The following HIKESHI variants were observed in gnomAD, a reference collection of about 807,000 sequenced individuals.
The protein encoded by HIKESHI is heat shock protein nuclear import factor hikeshi, also known as protein Hikeshi.
A neutral mutation model predicts 25.7 loss-of-function variants in HIKESHI; 13 were observed. That is an observed-to-expected ratio of 0.51 (90% confidence interval 0.33 to 0.80). The LOEUF (loss-of-function observed/expected upper bound fraction) is 0.80, where lower values mean the gene tolerates loss of function less well. Among genes scored for constraint, HIKESHI ranks in the 30% least tolerant of loss-of-function variants. HIKESHI has a pLI of 0.02. For synonymous variants in HIKESHI, 76 were observed against 78.7 expected (o/e 0.97, Z 0.18); for missense variants, 174 against 229.5 (o/e 0.76, Z 1.56).
intron 1 of HIKESHI, among the ~76,000 whole-genome samples, chr11:86,305,411 C>T (rs372532957): frequency 3.9e-5 from 6 of 151,968 alleles, no homozygotes; most frequent in African/African-American, 9.7e-5. Flanking sequence ...TTTTTTGAGA[C>T]GGAGTTTAGC....
intron 3 of HIKESHI, among the ~76,000 whole-genome samples, chr11:86,341,041 C>T (rs557632562): frequency 2.0e-5 from 3 of 152,292 alleles, no homozygotes; most frequent in Admixed American, 1.3e-4. Context: ...ACTTCCCTCC[C>T]CTTTTTAATC....
chr11:86,335,270 A>G (rs1221156022), intron 2 of HIKESHI, among the ~76,000 whole-genome samples: 1 of 152,222 alleles, frequency 6.6e-6, no homozygotes, highest in Non-Finnish European at 1.5e-5. Context: ...ATGGAAAAGT[A>G]TCTACCTTGG....
At chr11:86,342,377 A>G (rs10792847) in intron 3 of HIKESHI, among the ~76,000 whole-genome samples, 94,221 of 151,980 alleles carry the variant, frequency 0.62, 29,392 homozygotes, top group East Asian at 0.79. Context: ...ATATTTGTAT[A>G]TAGATAAATG....
At chr11:86,318,303 C>CAAA (rs71040230) in intron 2 of HIKESHI, among the ~76,000 whole-genome samples, 2,273 of 35,628 alleles carry the variant, frequency 0.064, 421 homozygotes, top group African/African-American at 0.18. Flanking sequence ...GACTCCGTCT[C>CAAA]AAAAAAAAAA....
intron 2 of HIKESHI, among the ~76,000 whole-genome samples, chr11:86,315,059 A>C (rs1946938145): frequency 6.6e-6 from 1 of 152,222 alleles, no homozygotes; most frequent in Non-Finnish European, 1.5e-5. Context: ...TTAAGATGGT[A>C]GTGTCTCTTA....
intron 3 of HIKESHI, among the ~76,000 whole-genome samples, chr11:86,341,370 A>G (rs959791572): frequency 7.9e-5 from 12 of 151,342 alleles, no homozygotes; most frequent in Admixed American, 6.6e-5. Flanking sequence ...CTTTGCATAG[A>G]TTTCTATGTT....
chr11:86,337,675 A>G (rs1011412000), intron 3 of HIKESHI, 145 bp downstream of exon 3: 19 of 1,001,278 alleles, frequency 1.9e-5, no homozygotes, highest in African/African-American at 8.4e-5. Flanking sequence ...TTTGTTTTTG[A>G]GAGATGGAGT....
intron 2 of HIKESHI, among the ~76,000 whole-genome samples, chr11:86,309,675 G>C (rs1946780095): frequency 6.6e-6 from 1 of 152,146 alleles, no homozygotes; most frequent in South Asian, 2.1e-4. Flanking sequence ...TATTGCATAG[G>C]TTTTCTTTTA....
chr11:86,312,044 G>C (rs917041827), intron 2 of HIKESHI, among the ~76,000 whole-genome samples: 1 of 152,148 alleles, frequency 6.6e-6, no homozygotes, highest in Non-Finnish European at 1.5e-5. Context: ...CTGTTGATTT[G>C]GTGTGGAGAG....
Position 86,304,679 on chromosome 11 carries a change from C to G in HIKESHI, c.31-1566C>G, listed in dbSNP as rs904223829. ...TACAGGCATGTGCCCCCATGCCCAG[C>G]TAATTTTTATATTTTTAGTAGATAC... is the stretch of plus-strand genomic sequence containing the variant. On this transcript the variant is annotated intron_variant, in intron 1 of 4. Coordinates refer to ENST00000278483, the MANE Select transcript of HIKESHI (RefSeq NM_016401.4). 2.6e-5 allele frequency among the ~76,000 whole-genome samples: 4 copies of G among 152,210 alleles called. No individual in the cohort carries two copies. In the East Asian group the frequency reaches 7.7e-4, roughly 29 times the overall value.
chr11:86,334,482 A>T (rs1947497346), intron 2 of HIKESHI, among the ~76,000 whole-genome samples: 1 of 152,072 alleles, frequency 6.6e-6, no homozygotes, highest in African/African-American at 2.4e-5. Flanking sequence ...AAAGAACTTG[A>T]TCTAATTTAC....
At chr11:86,310,617 G>A (rs1044273167) in intron 2 of HIKESHI, among the ~76,000 whole-genome samples, 6 of 152,184 alleles carry the variant, frequency 3.9e-5, no homozygotes, top group Admixed American at 3.3e-4. Context: ...GGAGGGGTGA[G>A]AGAGGGCATC....
At chr11:86,308,101 T>G (rs1457466309) in intron 2 of HIKESHI, among the ~76,000 whole-genome samples, 1 of 124,616 alleles carries the variant, frequency 8.0e-6, no homozygotes, top group Non-Finnish European at 1.5e-5. Context: ...ATAAATATAC[T>G]ATATACTATA....
chr11:86,321,771 C>G (rs1342728536), intron 2 of HIKESHI, among the ~76,000 whole-genome samples: 1 of 152,090 alleles, frequency 6.6e-6, no homozygotes, highest in East Asian at 1.9e-4. Context: ...CTCAGGTGAT[C>G]TGCCTGCCTC....
chr11:86,319,217 A>AATATATATATATATATATATATATAT (rs139667221), intron 2 of HIKESHI, among the ~76,000 whole-genome samples: 1 of 115,072 alleles, frequency 8.7e-6, no homozygotes, highest in African/African-American at 3.5e-5. Context: ...CTGGCTTAAA[A>AATATATATATATATATATATATATAT]ATATATATAT....
intron 2 of HIKESHI, among the ~76,000 whole-genome samples, chr11:86,320,626 T>C (rs1288926138): frequency 2.0e-5 from 3 of 152,198 alleles, no homozygotes; most frequent in Non-Finnish European, 2.9e-5. Context: ...TTGTGGTAGC[T>C]TTATTGATGT....
At chr11:86,336,991 T>G (rs762225645) in intron 2 of HIKESHI, among the ~76,000 whole-genome samples, 3 of 151,614 alleles carry the variant, frequency 2.0e-5, no homozygotes, top group Non-Finnish European at 4.4e-5. Context: ...CAAAACTGTC[T>G]TTAGAGATGA....
chr11:86,336,444 G>A (rs1451471746), intron 2 of HIKESHI, among the ~76,000 whole-genome samples: 1 of 152,148 alleles, frequency 6.6e-6, no homozygotes, highest in Non-Finnish European at 1.5e-5. Flanking sequence ...TCATGAATGG[G>A]ATTACCACTC....
chr11:86,337,592 A>C, intron 3 of HIKESHI, 62 bp downstream of exon 3: 1 of 1,486,214 alleles, frequency 6.7e-7, no homozygotes, highest in Admixed American at 2.1e-5. Context: ...GGTATAATAT[A>C]CAAGTTAAAA....
Sources: allele counts gnomAD v4.1 joint callset (sites outside exome capture counted in the v4.1 genomes callset), GRCh38; gene constraint gnomAD v4.1.1; transcripts MANE v1.5; gene names NCBI Gene and HGNC (gene_info 2026-07-23, HGNC 2026-07-21).